Variants in NALCN observed in about 807,000 individuals in gnomAD.
NALCN encodes sodium leak channel NALCN.
In NALCN, 111 loss-of-function variants were observed where a neutral mutation model predicts 225.3. The observed-to-expected ratio is 0.49, with a 90% CI of 0.42 to 0.58. The LOEUF (loss-of-function observed/expected upper bound fraction) is 0.58. Among genes scored for constraint, NALCN ranks in the 20% least tolerant of loss-of-function variants. NALCN has a pLI of 0.00. For missense variants in NALCN, 1,378 were observed against 2,202.4 expected (o/e 0.63, Z 7.49); for synonymous variants, 764 against 769.0 (o/e 0.99, Z 0.11).
chr13:101,392,201 C>T lies in NALCN; in HGVS notation c.291+2982G>A, dbSNP rs78772402. Reference sequence around the variant, plus strand: ...CTATTTTATAGTGTGCATACATGCCCGCCACCCACACACATGAAAAATCTA... The same window carrying T: ...CTATTTTATAGTGTGCATACATGCCTGCCACCCACACACATGAAAAATCTA... On this transcript the variant is annotated intron_variant, in intron 3 of 43. Transcript: ENST00000251127. 7.0e-3 allele frequency among the ~76,000 whole-genome samples: 1,065 copies of T among 151,750 alleles called. 12 individuals carry two copies. Among genetic ancestry groups the T allele is most frequent in the African/African-American group, 0.025 (1,016 of 41,354 alleles).
intron 10 of NALCN, among the ~76,000 whole-genome samples, chr13:101,264,493 T>C (rs1477616433): frequency 3.3e-5 from 5 of 152,016 alleles, no homozygotes; most frequent in Non-Finnish European, 4.4e-5. Flanking sequence ...ACTCAAAGTG[T>C]GGTCCCTGGA....
At chr13:101,056,564 A>G (rs1026409244) in intron 43 of NALCN, among the ~76,000 whole-genome samples, 2 of 152,000 alleles carry the variant, frequency 1.3e-5, no homozygotes, top group African/African-American at 2.4e-5. Context: ...GCCTGGCCCA[A>G]TGGAAGTACT....
At chr13:101,153,956 A>G (rs556641743) in intron 15 of NALCN, among the ~76,000 whole-genome samples, 1 of 152,224 alleles carries the variant, frequency 6.6e-6, no homozygotes, top group South Asian at 2.1e-4. Flanking sequence ...CCCCCCTCAC[A>G]CAGGGATGTC....
chr13:101,077,719 T>C (rs1428842657), intron 34 of NALCN, among the ~76,000 whole-genome samples: 1 of 152,182 alleles, frequency 6.6e-6, no homozygotes, highest in Non-Finnish European at 1.5e-5. Context: ...AAAGAAAACC[T>C]TATTTACTAG....
intron 17 of NALCN, among the ~76,000 whole-genome samples, chr13:101,130,366 T>C (rs1270143022): frequency 6.6e-6 from 1 of 152,242 alleles, no homozygotes; most frequent in African/African-American, 2.4e-5. Context: ...CTATCCATAT[T>C]AGAACAAATA....
intron 13 of NALCN, among the ~76,000 whole-genome samples, chr13:101,207,326 A>T (rs1030586223): frequency 6.6e-6 from 1 of 152,236 alleles, no homozygotes; most frequent in Non-Finnish European, 1.5e-5. Context: ...TCTTACTGAA[A>T]TGGTAAGTTA....
At chr13:101,095,097 C>T (rs1435349070) in intron 28 of NALCN, among the ~76,000 whole-genome samples, 1 of 152,138 alleles carries the variant, frequency 6.6e-6, no homozygotes, top group Non-Finnish European at 1.5e-5. Context: ...TAGAAGCAAT[C>T]AACTGTGTCA....
chr13:101,247,419 C>T (rs1053815972), intron 11 of NALCN, among the ~76,000 whole-genome samples: 10 of 151,978 alleles, frequency 6.6e-5, no homozygotes, highest in Admixed American at 5.9e-4. Context: ...AAGGTTAAGG[C>T]AACTGCAATA....
intron 28 of NALCN, among the ~76,000 whole-genome samples, chr13:101,092,901 C>T (rs2034311300): frequency 6.6e-6 from 1 of 152,050 alleles, no homozygotes; most frequent in Non-Finnish European, 1.5e-5. Context: ...CATTAAAGCC[C>T]TTAGCATATT....
intron 13 of NALCN, among the ~76,000 whole-genome samples, chr13:101,207,883 C>T (rs917713718): frequency 1.2e-4 from 18 of 152,174 alleles, no homozygotes; most frequent in African/African-American, 2.9e-4. Flanking sequence ...TCTTTGGGTC[C>T]GCACTGTCTT....
intron 17 of NALCN, among the ~76,000 whole-genome samples, chr13:101,139,748 G>C (rs988235372): frequency 2.6e-5 from 4 of 152,292 alleles, no homozygotes; most frequent in Middle Eastern, 3.4e-3. Context: ...GGTAGGGTCT[G>C]TGACGGGGAT....
intron 12 of NALCN, among the ~76,000 whole-genome samples, chr13:101,230,010 G>A (rs2041284470): frequency 6.6e-6 from 1 of 151,974 alleles, no homozygotes; most frequent in Admixed American, 6.6e-5. Context: ...GCTTTATGAT[G>A]GTTCAATGTA....
chr13:101,070,078 T>TTTTTTTG (rs2032750451), intron 37 of NALCN, among the ~76,000 whole-genome samples: 1 of 144,642 alleles, frequency 6.9e-6, no homozygotes, highest in Non-Finnish European at 1.5e-5. Flanking sequence ...TTTTTTTTTT[T>TTTTTTTG]TTTTTTGAGA....
intron 15 of NALCN, among the ~76,000 whole-genome samples, chr13:101,174,661 C>A (rs775335084): frequency 6.6e-6 from 1 of 152,020 alleles, no homozygotes; most frequent in Non-Finnish European, 1.5e-5. Context: ...AATTCACAAT[C>A]CTGAAAAAAT....
At position 101,055,328 on chromosome 13, in the gene NALCN, G is replaced by A. The variant is rs762554597; in HGVS notation, c.5184C>T (p.Ser1728=). The part of the protein sequence containing the change: ...KWWTRQLTVE[S]DESGDDLLDI ...CCAGAAGGTCATCCCCACTTTCGTC[G>A]CTCTCCACAGTCAGCTGCCGGGTCC... Residue 1728 remains serine, a synonymous_variant, in exon 44 of 44, where the codon AGC becomes AGT. Transcript: ENST00000251127. 9.3e-6 allele frequency: 15 copies of A among 1,613,244 alleles called. No individual in the cohort carries two copies. Among genetic ancestry groups the A allele is most frequent in the South Asian group, 3.3e-5 (3 of 90,938 alleles).
intron 7 of NALCN, among the ~76,000 whole-genome samples, chr13:101,326,688 T>G (rs1176815521): frequency 1.3e-5 from 2 of 152,232 alleles, no homozygotes; most frequent in African/African-American, 4.8e-5. Context: ...AATGATATGT[T>G]GCCATATAAC....
At chr13:101,387,017 C>G (rs1395386357) in intron 3 of NALCN, among the ~76,000 whole-genome samples, 3 of 151,134 alleles carry the variant, frequency 2.0e-5, no homozygotes, top group African/African-American at 7.3e-5. Flanking sequence ...GTCAGGAGAT[C>G]GAGACCATCC....
intron 7 of NALCN, among the ~76,000 whole-genome samples, chr13:101,294,560 CTTTTTTTTTT>C (rs10615640): frequency 1.9e-4 from 17 of 87,868 alleles, no homozygotes; most frequent in African/African-American, 6.5e-4. Context: ...TTTATTGTTT[CTTTTTTTTTT>C]TTTTTTTTTT....
intron 7 of NALCN, among the ~76,000 whole-genome samples, chr13:101,304,697 T>G (rs1765948): frequency 1.3e-5 from 2 of 151,276 alleles, no homozygotes; most frequent in African/African-American, 2.4e-5. Context: ...CTTGGCCACC[T>G]AAAGTGTTGG....
Sources: allele counts gnomAD v4.1 joint callset (sites outside exome capture counted in the v4.1 genomes callset), GRCh38; gene constraint gnomAD v4.1.1; transcripts MANE v1.5; gene names NCBI Gene and HGNC (gene_info 2026-07-23, HGNC 2026-07-21).